The following GALNT17 variants were observed in gnomAD, a reference collection of about 807,000 sequenced individuals.
GALNT17 encodes polypeptide N-acetylgalactosaminyltransferase 17, also known as UDP-GalNAc:polypeptide N-acetylgalactosaminyltransferase-like 3.
GALNT17 carries 29 observed loss-of-function variants against 63.7 expected under a neutral mutation model. That is an observed-to-expected ratio of 0.46 (90% CI 0.34 to 0.62). The LOEUF is 0.62. Ranked by LOEUF, GALNT17 falls within the 20% of genes least tolerant of loss-of-function variation. The pLI, the probability that GALNT17 is intolerant of heterozygous loss-of-function variation, is 0.01. For missense variants in GALNT17, 603 were observed against 799.6 expected (o/e 0.75, Z 2.97); for synonymous variants, 305 against 318.3 (o/e 0.96, Z 0.45).
At chr7:71,578,004 CATTTATTTATTTATTTATTT>C (rs60916222) in intron 6 of GALNT17, among the ~76,000 whole-genome samples, 14 of 143,234 alleles carry the variant, frequency 9.8e-5, no homozygotes, top group African/African-American at 1.5e-4. Flanking sequence ...GGGTTGTTTA[CATTTATTTATTTATTTATTT>C]ATTTATTTAT....
intron 1 of GALNT17, among the ~76,000 whole-genome samples, chr7:71,137,162 CAG>C (rs1205404075): frequency 3.5e-5 from 4 of 113,540 alleles, no homozygotes; most frequent in Non-Finnish European, 7.1e-5. Flanking sequence ...TTTTTTGAGA[CAG>C]AGTCTTGCTC....
At position 71,697,143 on chromosome 7, in the gene GALNT17, G is replaced by C. The variant is rs149669725; in HGVS notation, c.1501-13618G>C. On this transcript the variant is annotated intron_variant, in intron 9 of 10. Transcript: ENST00000333538. ...GAGTTACACCTGAAAAGGTAAGTGG[G>C]ACCATAGAGTAAAAAGTCATGGTAG... is the stretch of plus-strand genomic sequence containing the variant. 2.7e-3 allele frequency among the ~76,000 whole-genome samples: 408 copies of C among 152,238 alleles called. 2 individuals are homozygous for C. Among genetic ancestry groups the C allele is most frequent in the African/African-American group, 9.3e-3 (388 of 41,544 alleles).
chr7:71,438,367 T>G lies in GALNT17; in HGVS notation c.962+17262T>G, dbSNP rs1313456048. ...TTCACGTTTTTCTGCCTGCTTTATA[T>G]TCTAGCCATGCTGGTTAGTGCCCAC... On this transcript the variant is annotated intron_variant, in intron 5 of 10. Coordinates refer to ENST00000333538, the MANE Select transcript of GALNT17 (RefSeq NM_022479.3). Among the ~76,000 whole-genome samples the G allele has an allele frequency of 1.1e-4, 16 of 152,326 alleles. No homozygotes were observed. The East Asian group carries it at 2.9e-3, about 28-fold the overall frequency.
At chr7:71,426,013 A>C (rs1185265154) in intron 5 of GALNT17, among the ~76,000 whole-genome samples, 2 of 152,158 alleles carry the variant, frequency 1.3e-5, no homozygotes, top group Non-Finnish European at 2.9e-5. Context: ...ACACACTTGT[A>C]AACAACCAGA....
At chr7:71,567,801 G>C (rs1789374288) in intron 5 of GALNT17, among the ~76,000 whole-genome samples, 2 of 152,162 alleles carry the variant, frequency 1.3e-5, no homozygotes, top group African/African-American at 2.4e-5. Context: ...GTGCTCCATT[G>C]ACTTATGCAA....
intron 1 of GALNT17, among the ~76,000 whole-genome samples, chr7:71,161,072 C>A (rs2116250178): frequency 6.6e-6 from 1 of 152,136 alleles, no homozygotes; most frequent in Non-Finnish European, 1.5e-5. Context: ...AACTCCTGGG[C>A]TCAAGTGCTC....
chr7:71,275,526 G>T (rs1790666919), intron 1 of GALNT17, among the ~76,000 whole-genome samples: 1 of 152,184 alleles, frequency 6.6e-6, no homozygotes, highest in South Asian at 2.1e-4. Flanking sequence ...ACCAGCTCTT[G>T]TGTGAGACCC....
chr7:71,139,478 C>G (rs1276645487), intron 1 of GALNT17, among the ~76,000 whole-genome samples: 2 of 152,144 alleles, frequency 1.3e-5, no homozygotes, highest in Non-Finnish European at 2.9e-5. Context: ...AATTGAAAAT[C>G]TTTGTAGAAA....
intron 5 of GALNT17, among the ~76,000 whole-genome samples, chr7:71,448,731 A>T (rs1787204016): frequency 6.6e-6 from 1 of 152,222 alleles, no homozygotes; most frequent in African/African-American, 2.4e-5. Context: ...CAGGCGCAAA[A>T]GGATGCATTA....
chr7:71,182,308 GAGA>G (rs1224759320), intron 1 of GALNT17, among the ~76,000 whole-genome samples: 1 of 152,342 alleles, frequency 6.6e-6, no homozygotes, highest in African/African-American at 2.4e-5. Flanking sequence ...CCAGGACTGT[GAGA>G]AGAAGATACA....
Position 71,710,749 on chromosome 7 carries a change from G to T in GALNT17, c.1501-12G>T. The T allele has an allele frequency of 6.2e-7, 1 of 1,611,132 alleles. No homozygotes were observed. The highest frequency in any genetic ancestry group is 8.5e-7 in the Non-Finnish European group (1 of 1,179,616). On this transcript the variant is annotated splice_polypyrimidine_tract_variant and intron_variant, in intron 9 of 10. Transcript: ENST00000333538. ...CCACTTCCATTCCCCTGCTGCTCTG[G>T]TCTCTCGACAGCTTGCCCGCTACAC...
At position 71,575,654 on chromosome 7, in the gene GALNT17, C is replaced by T. The variant is rs572127014; in HGVS notation, c.1080+4252C>T. 2.8e-4 allele frequency among the ~76,000 whole-genome samples: 43 copies of T among 152,210 alleles called. 1 individual carries two copies. The highest frequency in any genetic ancestry group is 2.3e-3 in the South Asian group (11 of 4,810). ...CCGCCCGCCTCGGCCTCCCAAAATG[C>T]TGGGATGACAGGAGTGAGCCACCGT... On this transcript the variant is annotated intron_variant, in intron 6 of 10. Coordinates refer to ENST00000333538, the MANE Select transcript of GALNT17 (RefSeq NM_022479.3).
At chr7:71,475,656 G>A (rs980319066) in intron 5 of GALNT17, among the ~76,000 whole-genome samples, 2 of 152,144 alleles carry the variant, frequency 1.3e-5, no homozygotes, top group East Asian at 1.9e-4. Flanking sequence ...ACCTGTCTGC[G>A]GCCCTGGGGT....
chr7:71,386,645 G>A (rs115361354), intron 2 of GALNT17, among the ~76,000 whole-genome samples: 112 of 152,290 alleles, frequency 7.4e-4, no homozygotes, highest in African/African-American at 2.1e-3. Context: ...ATGCTCTGGA[G>A]TCCATACTGG....
chr7:71,498,145 A>T (rs766851340), intron 5 of GALNT17, among the ~76,000 whole-genome samples: 1 of 152,066 alleles, frequency 6.6e-6, no homozygotes, highest in Non-Finnish European at 1.5e-5. Context: ...TATTTGCTAC[A>T]TTTGCTACAA....
At chr7:71,197,241 C>T (rs971540824) in intron 1 of GALNT17, among the ~76,000 whole-genome samples, 6 of 142,212 alleles carry the variant, frequency 4.2e-5, no homozygotes, top group African/African-American at 1.6e-4. Context: ...GCTCTTTCGC[C>T]CAAGCTGGAG....
chr7:71,299,445 A>C (rs1791153489), intron 1 of GALNT17, among the ~76,000 whole-genome samples: 1 of 152,168 alleles, frequency 6.6e-6, no homozygotes, highest in African/African-American at 2.4e-5. Context: ...TGTACAGATA[A>C]GGAAACCGAG....
intron 5 of GALNT17, among the ~76,000 whole-genome samples, chr7:71,458,345 A>C (rs1787390982): frequency 6.6e-6 from 1 of 152,152 alleles, no homozygotes; most frequent in South Asian, 2.1e-4. Context: ...CACCCTTAAT[A>C]GGACGGGGAG....
intron 2 of GALNT17, among the ~76,000 whole-genome samples, chr7:71,356,629 TACTC>T (rs1283765413): frequency 2.6e-5 from 4 of 152,150 alleles, no homozygotes; most frequent in African/African-American, 7.2e-5. Flanking sequence ...GTAGAGAACT[TACTC>T]ACTACCATGA....
Sources: allele counts gnomAD v4.1 joint callset (sites outside exome capture counted in the v4.1 genomes callset), GRCh38; gene constraint gnomAD v4.1.1; transcripts MANE v1.5; gene names NCBI Gene and HGNC (gene_info 2026-07-23, HGNC 2026-07-21).